The following FOXP4 variants were observed in gnomAD, a reference collection of about 807,000 sequenced individuals.
FOXP4 encodes the protein forkhead box protein P4.
In FOXP4, 25 loss-of-function variants were observed where a neutral mutation model predicts 82.6. That is an observed-to-expected ratio of 0.30 (90% CI 0.22 to 0.42). The LOEUF (loss-of-function observed/expected upper bound fraction) is 0.42. Ranked by LOEUF, FOXP4 falls within the 10% of genes least tolerant of loss-of-function variation. The pLI, the probability that FOXP4 is intolerant of heterozygous loss-of-function variation, is 1.00. For missense variants in FOXP4, 785 were observed against 900.9 expected, an observed-to-expected ratio of 0.87 and a Z score of 1.65; for synonymous variants, 415 against 388.2, an observed-to-expected ratio of 1.07 and a Z score of -0.81.
chr6:41,590,185 G>A lies in FOXP4; in HGVS notation c.1357+15G>A. Reference sequence around the variant, plus strand: ...CATCTCCTCAGGTGAGGGTGGGCTGGGGGCTGCAGGGCGACAGCAGCGTGA... The same window carrying A: ...CATCTCCTCAGGTGAGGGTGGGCTGAGGGCTGCAGGGCGACAGCAGCGTGA... On this transcript the variant is annotated intron_variant, in intron 11 of 16. Coordinates refer to ENST00000307972, the MANE Select transcript of FOXP4 (RefSeq NM_001012426.2). The A allele has an allele frequency of 6.2e-7, 1 of 1,604,894 alleles. No homozygotes were observed. Among genetic ancestry groups the A allele is most frequent in the South Asian group, 1.1e-5 (1 of 90,312 alleles).
At chr6:41,552,928 C>T (rs926205398) in intron 1 of FOXP4, among the ~76,000 whole-genome samples, 1 of 152,132 alleles carries the variant, frequency 6.6e-6, no homozygotes, top group East Asian at 1.9e-4. Context: ...AGGCATGACC[C>T]GTCTTCTCTC....
intron 2 of FOXP4, among the ~76,000 whole-genome samples, chr6:41,566,823 G>C (rs1321163316): frequency 6.6e-6 from 1 of 152,164 alleles, no homozygotes; most frequent in African/African-American, 2.4e-5. Context: ...GGCGGGGTAT[G>C]CTAGGAACAT....
chr6:41,578,253 C>G (rs992449521), intron 3 of FOXP4, among the ~76,000 whole-genome samples, 172 bp downstream of exon 3: 1 of 152,208 alleles, frequency 6.6e-6, no homozygotes, highest in Admixed American at 6.5e-5. Flanking sequence ...AGGCTTCCCA[C>G]TTTCTCTCGT....
chr6:41,570,921 A>G (rs73733282), intron 2 of FOXP4, among the ~76,000 whole-genome samples: 2,805 of 152,242 alleles, frequency 0.018, 88 homozygotes, highest in African/African-American at 0.064. Context: ...AAGGCCCAGT[A>G]GGAATCTTCA....
At position 41,591,992 on chromosome 6, in the gene FOXP4, G is replaced by T. The variant is rs61638781; in HGVS notation, c.1536+670G>T. On this transcript the variant is annotated intron_variant, in intron 13 of 16. Coordinates refer to ENST00000307972, the MANE Select transcript of FOXP4 (RefSeq NM_001012426.2). The surrounding 1 kb of genome is among the most constrained non-coding windows in gnomAD (Gnocchi z 4.2). Reference sequence around the variant, plus strand: ...TTTATTTTTCTATAGCCAAAAGGGGGGTGTGTGTGTGTGTCTGTCTGTCTG... The same window carrying T: ...TTTATTTTTCTATAGCCAAAAGGGGTGTGTGTGTGTGTGTCTGTCTGTCTG... 0.036 allele frequency among the ~76,000 whole-genome samples: 5,540 copies of T among 151,874 alleles called. 284 individuals are homozygous for T. The highest frequency in any genetic ancestry group is 0.16 in the East Asian group (830 of 5,156).
intron 3 of FOXP4, among the ~76,000 whole-genome samples, chr6:41,583,426 C>G (rs900596270): frequency 4.6e-5 from 7 of 152,200 alleles, no homozygotes; most frequent in African/African-American, 1.7e-4. Flanking sequence ...GAGAGGGTCC[C>G]CTGAGGACCT....
At chr6:41,570,477 C>A (rs1306410400) in intron 2 of FOXP4, 1 of 444,900 alleles carries the variant, frequency 2.2e-6, no homozygotes, top group Non-Finnish European at 4.7e-6. Flanking sequence ...CCTTGTTGTA[C>A]CCCTCCCAGG....
chr6:41,555,968 T>G (rs1338173930), intron 1 of FOXP4, among the ~76,000 whole-genome samples: 1 of 152,098 alleles, frequency 6.6e-6, no homozygotes, highest in Admixed American at 6.6e-5. Context: ...TGTTAATTCT[T>G]TTTTTTGGTC....
chr6:41,580,742 C>A (rs1462075585), intron 3 of FOXP4, among the ~76,000 whole-genome samples: 1 of 152,144 alleles, frequency 6.6e-6, no homozygotes, highest in Non-Finnish European at 1.5e-5. Flanking sequence ...CTGGGCTCCC[C>A]ACCCGAGCAG....
chr6:41,584,503 T>C (rs923273364), intron 3 of FOXP4, among the ~76,000 whole-genome samples: 3 of 152,242 alleles, frequency 2.0e-5, no homozygotes. Context: ...GTGCCAGGCC[T>C]TGTTTTAAGT....
At chr6:41,581,659 C>G (rs535829837) in intron 3 of FOXP4, among the ~76,000 whole-genome samples, 2 of 152,332 alleles carry the variant, frequency 1.3e-5, no homozygotes, top group African/African-American at 4.8e-5. Context: ...TGAGGTCAAC[C>G]AACTCAGGAG....
At chr6:41,555,214 A>G (rs1019758356) in intron 1 of FOXP4, among the ~76,000 whole-genome samples, 2 of 151,978 alleles carry the variant, frequency 1.3e-5, no homozygotes, top group Admixed American at 6.6e-5. Flanking sequence ...GCGCTACTGC[A>G]CTCCAGTCTG....
Position 41,564,772 on chromosome 6 carries a change from C to T in FOXP4, c.-16-973C>T, listed in dbSNP as rs532325820. 2.0e-5 allele frequency among the ~76,000 whole-genome samples: 3 copies of T among 151,980 alleles called. No homozygotes were observed. In the South Asian group the frequency reaches 6.2e-4, roughly 31 times the overall value. On this transcript the variant is annotated intron_variant, in intron 1 of 16. Coordinates refer to ENST00000307972, the MANE Select transcript of FOXP4 (RefSeq NM_001012426.2). Reference sequence around the variant, plus strand: ...CTGAGTGTCTACTTTTGACCAGGTGCTAGGCTGAGGGCTTTAAAATGGAAG... The same window carrying T: ...CTGAGTGTCTACTTTTGACCAGGTGTTAGGCTGAGGGCTTTAAAATGGAAG...
intron 2 of FOXP4, among the ~76,000 whole-genome samples, chr6:41,576,243 G>A (rs1339481745): frequency 2.0e-5 from 3 of 152,158 alleles, no homozygotes; most frequent in African/African-American, 4.8e-5. Context: ...ACCAATCTGA[G>A]CTCCAGGTTT....
chr6:41,582,926 G>C (rs1237494308), intron 3 of FOXP4, among the ~76,000 whole-genome samples: 1 of 152,192 alleles, frequency 6.6e-6, no homozygotes, highest in Non-Finnish European at 1.5e-5. Flanking sequence ...AACCCTGGGA[G>C]CTATGGAGTA....
chr6:41,564,155 T>C (rs1024972813), intron 1 of FOXP4, among the ~76,000 whole-genome samples: 1 of 152,212 alleles, frequency 6.6e-6, no homozygotes, highest in African/African-American at 2.4e-5. Flanking sequence ...CTTTTCATAC[T>C]AAAGATATTG....
intron 1 of FOXP4, among the ~76,000 whole-genome samples, chr6:41,553,943 G>GC (rs1764139423): frequency 1.3e-5 from 2 of 152,284 alleles, no homozygotes; most frequent in African/African-American, 4.8e-5. Context: ...CCCTTGCTCT[G>GC]CCCCCTGCAT....
rs1448638798 is a variant in FOXP4, at chr6:41,599,072, G to A, written c.*136G>A. 11 of 1,246,486 alleles carry A rather than the reference G, an allele frequency of 8.8e-6. No homozygotes were observed. The Admixed American group carries it at 3.2e-4, about 37-fold the overall frequency. 77.2% of individuals were successfully genotyped at this position (1,246,486 alleles called of 1,614,324 possible). Reference sequence around the variant, plus strand: ...CAGACCGGGGAGGCCCGGGCCAGCAGCTCCCAGTGTGACCTGACAAAAACA... The same window carrying A: ...CAGACCGGGGAGGCCCGGGCCAGCAACTCCCAGTGTGACCTGACAAAAACA... On this transcript the variant is annotated 3_prime_UTR_variant, in exon 17 of 17. Transcript: ENST00000307972.
chr6:41,555,995 G>T (rs1311135039), intron 1 of FOXP4, among the ~76,000 whole-genome samples: 1 of 152,094 alleles, frequency 6.6e-6, no homozygotes, highest in Non-Finnish European at 1.5e-5. Flanking sequence ...GTAGGAAGGG[G>T]TATTGAGGGA....
Sources: gnomAD v4.1 joint callset for allele counts (sites outside exome capture counted in the v4.1 genomes callset) on GRCh38, gnomAD v4.1.1 for gene constraint, Gnocchi (gnomAD v3.1) non-coding constraint, MANE v1.5 for transcripts, NCBI Gene and HGNC (gene_info 2026-07-23, HGNC 2026-07-21) for gene names.